CFAP221: variants seen among roughly 807,000 people sequenced by gnomAD.
CFAP221 encodes cilia- and flagella-associated protein 221.
A neutral mutation model predicts 113.1 loss-of-function variants in CFAP221; 97 were observed. The observed-to-expected ratio is 0.86, with a 90% CI of 0.73 to 1.02. The LOEUF is 1.02. CFAP221 is among the 50% of genes least tolerant of loss of function. The pLI is 0.00. For missense variants in CFAP221, 1,025 were observed against 1,013.4 expected (o/e 1.01, Z -0.16); for synonymous variants, 331 against 354.4 (o/e 0.93, Z 0.74).
rs527630789 is a variant in CFAP221 at position 119,656,398 on chromosome 2, C to T, written c.2451C>T (p.Ala817=). The part of the protein sequence containing the change: ...VKDQAQPAEK[A]GEKLLEEMRN... ...ATCAAGCACAACCAGCAGAGAAGGC[C>T]GGAGAGAAGCTGCTCGAGGAGATGA... Residue 817 remains alanine (A), a synonymous_variant, in exon 24 of 24, where the codon GCC becomes GCT. Coordinates refer to ENST00000413369, the MANE Select transcript of CFAP221 (RefSeq NM_001271049.2). 5.1e-5 allele frequency: 82 copies of T among 1,613,910 alleles called. No homozygotes were observed. The highest frequency in any genetic ancestry group is 2.0e-4 in the Admixed American group (12 of 59,994).
At chr2:119,657,641 C>T (rs987135313), downstream of CFAP221, among the ~76,000 whole-genome samples, 3 of 152,192 alleles carry the variant, frequency 2.0e-5, no homozygotes, top group African/African-American at 2.4e-5. Context: ...AAATTACAAT[C>T]GGTACAGCTT....
intron 3 of CFAP221, among the ~76,000 whole-genome samples, chr2:119,549,664 G>C (rs775346173): frequency 1.3e-5 from 2 of 152,206 alleles, no homozygotes; most frequent in East Asian, 3.8e-4. Flanking sequence ...ACCAGGAAGA[G>C]GGGTGTCCCT....
At chr2:119,642,944 G>C (rs1340619844) in intron 21 of CFAP221, among the ~76,000 whole-genome samples, 3 of 151,330 alleles carry the variant, frequency 2.0e-5, no homozygotes, top group African/African-American at 7.3e-5. Flanking sequence ...TCACATTGGG[G>C]GTTAAGTTCT....
chr2:119,645,751 C>T (rs1429978526), intron 21 of CFAP221, among the ~76,000 whole-genome samples: 1 of 152,182 alleles, frequency 6.6e-6, no homozygotes, highest in Non-Finnish European at 1.5e-5. Flanking sequence ...TCAGCCTCAG[C>T]CTTTCCAGCA....
chr2:119,602,473 C>T (rs1684430900), intron 8 of CFAP221: 1 of 307,042 alleles, frequency 3.3e-6, no homozygotes, highest in South Asian at 1.3e-4. Context: ...TCTTGGTTTT[C>T]CTCTTCTTTG....
At chr2:119,646,242 G>A (rs146815343) in intron 21 of CFAP221, among the ~76,000 whole-genome samples, 2 of 152,290 alleles carry the variant, frequency 1.3e-5, no homozygotes, top group African/African-American at 4.8e-5. Context: ...GTATTAGCCT[G>A]TTCTCTCATT....
chr2:119,582,662 C>G (rs1682931813), intron 6 of CFAP221, among the ~76,000 whole-genome samples: 1 of 152,008 alleles, frequency 6.6e-6, no homozygotes, highest in Non-Finnish European at 1.5e-5. Flanking sequence ...TGTTACATTG[C>G]CCAGGCTGGT....
intron 14 of CFAP221, among the ~76,000 whole-genome samples, chr2:119,615,912 T>C (rs1450451813): frequency 1.3e-5 from 2 of 152,200 alleles, no homozygotes; most frequent in Non-Finnish European, 2.9e-5. Context: ...AACATTTTTA[T>C]CACCTCAAAA....
At chr2:119,560,103 A>C (rs1035738145) in intron 5 of CFAP221, 77 bp downstream of exon 5, 2 of 1,148,606 alleles carry the variant, frequency 1.7e-6, no homozygotes, top group Non-Finnish European at 2.4e-6. Context: ...ATGGTGGCAG[A>C]AAGAGAGGTG....
At chr2:119,624,386 A>T (rs1197448690) in intron 14 of CFAP221, among the ~76,000 whole-genome samples, 1 of 152,194 alleles carries the variant, frequency 6.6e-6, no homozygotes, top group Non-Finnish European at 1.5e-5. Context: ...GCTGGAGAGG[A>T]TGTGGAGAAA....
intron 8 of CFAP221, among the ~76,000 whole-genome samples, chr2:119,604,073 G>A (rs1371672190): frequency 6.6e-6 from 1 of 152,148 alleles, no homozygotes; most frequent in Non-Finnish European, 1.5e-5. Context: ...AATAAATCTA[G>A]CTATTGAAAA....
At chr2:119,629,779 A>G in intron 16 of CFAP221, 96 bp from the exon 17 acceptor site, 1 of 985,236 alleles carries the variant, frequency 1.0e-6, no homozygotes, top group Non-Finnish European at 1.5e-6. Flanking sequence ...TGAGAGTAGA[A>G]CTGGTCACTA....
intron 4 of CFAP221, 36 bp downstream of exon 4, chr2:119,559,811 T>G: frequency 6.7e-7 from 1 of 1,492,256 alleles, no homozygotes; most frequent in South Asian, 1.2e-5. Flanking sequence ...TCCCACGGTG[T>G]GGTTGTCTGC....
At chr2:119,600,632 A>G (rs1684298643) in intron 7 of CFAP221, among the ~76,000 whole-genome samples, 1 of 152,234 alleles carries the variant, frequency 6.6e-6, no homozygotes, top group Admixed American at 6.5e-5. Flanking sequence ...AGGATAATAG[A>G]AAGACTGTGT....
Position 119,618,995 on chromosome 2 carries a change from C to G in CFAP221, c.1410+3286C>G, listed in dbSNP as rs183297689. Among the ~76,000 whole-genome samples the G allele has an allele frequency of 1.6e-3, 239 of 152,322 alleles. 1 individual carries two copies. Among genetic ancestry groups the G allele is most frequent in the African/African-American group, 5.3e-3 (221 of 41,576 alleles). ...GCAAGTTCAAAATGGGCAGAGCCCA[C>G]TGTAGCTCGGCAAAACCACGGTAGC... On this transcript the variant is annotated intron_variant, in intron 14 of 23. Coordinates refer to ENST00000413369, the MANE Select transcript of CFAP221 (RefSeq NM_001271049.2).
At chr2:119,544,612 C>T (rs1679917882) in intron 1 of CFAP221, 102 bp downstream of exon 1, 1 of 152,300 alleles carries the variant, frequency 6.6e-6, no homozygotes, top group Non-Finnish European at 1.5e-5. Flanking sequence ...TGTCCAGCCG[C>T]AAGTCGGCCG....
At chr2:119,559,893 G>T in intron 4 of CFAP221, 35 bp from the exon 5 acceptor site, 1 of 1,513,654 alleles carries the variant, frequency 6.6e-7, no homozygotes, top group South Asian at 1.2e-5. Context: ...GTGCAGTCCG[G>T]GGCTTGTCCC....
chr2:119,643,513 T>A (rs538112435), intron 21 of CFAP221, among the ~76,000 whole-genome samples: 3 of 152,306 alleles, frequency 2.0e-5, no homozygotes, highest in South Asian at 2.1e-4. Context: ...CTTGGCATTG[T>A]CAGGGTTTTA....
chr2:119,589,413 G>T (rs1403124184), intron 7 of CFAP221, among the ~76,000 whole-genome samples: 1 of 152,242 alleles, frequency 6.6e-6, no homozygotes, highest in Admixed American at 6.5e-5. Flanking sequence ...AGTCTTGGAT[G>T]GCTTTTTGGC....
Sources: gnomAD v4.1 joint callset for allele counts (sites outside exome capture counted in the v4.1 genomes callset) on GRCh38, gnomAD v4.1.1 for gene constraint, MANE v1.5 for transcripts, NCBI Gene and HGNC (gene_info 2026-07-23, HGNC 2026-07-21) for gene names.